Variants in GAB2 observed in about 807,000 individuals in gnomAD.
GAB2 encodes the protein GRB2 associated binding protein 2.
In GAB2, 26 loss-of-function variants were observed where a neutral mutation model predicts 65.5. The ratio of observed to expected loss-of-function variants is 0.40; its 90% CI spans 0.29 to 0.55. The LOEUF (loss-of-function observed/expected upper bound fraction) is 0.55. Ranked by LOEUF, GAB2 falls within the 20% of genes least tolerant of loss-of-function variation. The pLI, the probability that GAB2 is intolerant of heterozygous loss-of-function variation, is 0.53. For missense variants in GAB2, 884 were observed against 875.8 expected (o/e 1.01, Z -0.12); for synonymous variants, 321 against 329.6 (o/e 0.97, Z 0.28).
At chr11:78,326,826 G>C (rs186431657) in intron 1 of GAB2, among the ~76,000 whole-genome samples, 3 of 152,262 alleles carry the variant, frequency 2.0e-5, no homozygotes, top group Admixed American at 1.3e-4. Context: ...ACACAGTTCT[G>C]ACCCGGTAAA....
intron 1 of GAB2, among the ~76,000 whole-genome samples, chr11:78,311,678 G>T (rs1013314625): frequency 1.3e-5 from 2 of 152,144 alleles, no homozygotes; most frequent in Non-Finnish European, 2.9e-5. Flanking sequence ...TTATTATATT[G>T]CTTTTAAATT....
chr11:78,390,734 A>G (rs1268512711), intron 1 of GAB2, among the ~76,000 whole-genome samples: 3 of 152,240 alleles, frequency 2.0e-5, no homozygotes, highest in African/African-American at 7.2e-5. Flanking sequence ...AAGTCTCAAC[A>G]GGTGACTCAG....
chr11:78,344,850 A>G (rs1168011728), intron 1 of GAB2, among the ~76,000 whole-genome samples: 1 of 152,010 alleles, frequency 6.6e-6, no homozygotes, highest in Admixed American at 6.5e-5. Context: ...GTTTTTTTTG[A>G]AAATCTAGGA....
chr11:78,417,597 GC>G, intron 1 of GAB2, 48 bp downstream of exon 1: 2 of 1,070,996 alleles, frequency 1.9e-6, no homozygotes, highest in Non-Finnish European at 1.2e-6. Context: ...CCCTCCGCAG[GC>G]CCCGGAGCGC....
intron 1 of GAB2, among the ~76,000 whole-genome samples, chr11:78,377,588 G>A (rs1402445677): frequency 1.3e-5 from 2 of 152,198 alleles, no homozygotes; most frequent in Non-Finnish European, 2.9e-5. Context: ...TTTGAAGAAC[G>A]TGGTAGCAGC....
At chr11:78,333,636 T>A (rs1295815043) in intron 1 of GAB2, among the ~76,000 whole-genome samples, 1 of 152,180 alleles carries the variant, frequency 6.6e-6, no homozygotes, top group African/African-American at 2.4e-5. Flanking sequence ...ATGTAGGTGG[T>A]CCTGTGTGAT....
At chr11:78,342,360 A>ACAATATAAAC (rs1856110606) in intron 1 of GAB2, among the ~76,000 whole-genome samples, 1 of 151,156 alleles carries the variant, frequency 6.6e-6, no homozygotes, top group South Asian at 2.1e-4. Flanking sequence ...TCTTTAAAAT[A>ACAATATAAAC]CAATATAAAC....
At chr11:78,332,904 C>T (rs1855939496) in intron 1 of GAB2, among the ~76,000 whole-genome samples, 1 of 152,090 alleles carries the variant, frequency 6.6e-6, no homozygotes, top group Admixed American at 6.5e-5. Context: ...TTTTAAGAAC[C>T]TTCCCCTTTG....
intron 1 of GAB2, among the ~76,000 whole-genome samples, chr11:78,333,041 AAGG>A (rs879619561): frequency 1.3e-5 from 2 of 151,418 alleles, no homozygotes; most frequent in African/African-American, 4.9e-5. Context: ...CAAATGACAG[AAGG>A]AGGAGGATAA....
chr11:78,255,774 G>C (rs1865580897), intron 2 of GAB2, among the ~76,000 whole-genome samples: 1 of 152,202 alleles, frequency 6.6e-6, no homozygotes, highest in African/African-American at 2.4e-5. Context: ...AGTAGACCTG[G>C]CACTGCTGTG....
intron 2 of GAB2, among the ~76,000 whole-genome samples, chr11:78,259,393 CA>C: frequency 6.6e-6 from 1 of 152,110 alleles, no homozygotes; most frequent in African/African-American, 2.4e-5. Flanking sequence ...AGAATTTTGA[CA>C]ACAGTATTTG....
At chr11:78,223,990 G>A (rs1286507523) in intron 5 of GAB2, among the ~76,000 whole-genome samples, 3 of 152,174 alleles carry the variant, frequency 2.0e-5, no homozygotes, top group Non-Finnish European at 4.4e-5. Flanking sequence ...GCTGAGGCAC[G>A]AGAATCGCTT....
intron 1 of GAB2, among the ~76,000 whole-genome samples, chr11:78,416,241 T>C (rs1591100522): frequency 1.3e-5 from 2 of 152,332 alleles, no homozygotes; most frequent in East Asian, 3.9e-4. Context: ...CTCCTATAAA[T>C]CCACGTCCAC....
chr11:78,405,091 ATTTTT>A (rs1174366754), intron 1 of GAB2, among the ~76,000 whole-genome samples: 1 of 93,252 alleles, frequency 1.1e-5, no homozygotes, highest in East Asian at 3.1e-4. Context: ...AAAAACATGG[ATTTTT>A]TTTTTTTTTT....
intron 1 of GAB2, among the ~76,000 whole-genome samples, chr11:78,409,279 A>T (rs1857094428): frequency 6.6e-6 from 1 of 152,170 alleles, no homozygotes; most frequent in African/African-American, 2.4e-5. Context: ...TTGCAATTCT[A>T]AATGTGTATA....
intron 2 of GAB2, among the ~76,000 whole-genome samples, chr11:78,256,595 G>T (rs561270093): frequency 2.0e-4 from 30 of 152,306 alleles, no homozygotes; most frequent in African/African-American, 7.2e-4. Context: ...TTCCAGCTCT[G>T]CCATAAACTT....
chr11:78,358,916 T>G (rs570350005), intron 1 of GAB2, among the ~76,000 whole-genome samples: 1 of 152,234 alleles, frequency 6.6e-6, no homozygotes, highest in Admixed American at 6.5e-5. Context: ...TAAATACTTT[T>G]GAAAACAAAC....
intron 1 of GAB2, chr11:78,342,000 A>G (rs1403641753): frequency 1.3e-5 from 5 of 388,372 alleles, no homozygotes; most frequent in African/African-American, 2.2e-5. Flanking sequence ...CCCTATGGAC[A>G]ACAAACTGTG....
At chr11:78,413,751 G>A (rs10899499) in intron 1 of GAB2, among the ~76,000 whole-genome samples, 26,807 of 152,016 alleles carry the variant, frequency 0.18, 2,904 homozygotes, top group East Asian at 0.43. Context: ...AGCTCAGATA[G>A]AAGTGGCACT....
Sources: allele counts gnomAD v4.1 joint callset (sites outside exome capture counted in the v4.1 genomes callset), GRCh38; gene constraint gnomAD v4.1.1; transcripts MANE v1.5; gene names NCBI Gene and HGNC (gene_info 2026-07-23, HGNC 2026-07-21).